Variants in GRID2 observed in about 807,000 individuals in gnomAD.
GRID2 encodes the protein glutamate receptor ionotropic, delta-2.
In GRID2, 33 loss-of-function variants were observed where a neutral mutation model predicts 114.8. That is an observed-to-expected ratio of 0.29 (90% CI 0.22 to 0.38). GRID2 has a LOEUF of 0.38. Among genes scored for constraint, GRID2 ranks in the 10% least tolerant of loss-of-function variants. The probability of loss-of-function intolerance (pLI) is 1.00; values close to 1 mark genes in which losing one functional copy is unlikely to be tolerated. For synonymous variants in GRID2, 505 were observed against 449.9 expected, an observed-to-expected ratio of 1.12 and a Z score of -1.55; for missense variants, 1,184 against 1,257.7, an observed-to-expected ratio of 0.94 and a Z score of 0.89.
chr4:93,402,853 T>C (rs1451306482), intron 9 of GRID2, among the ~76,000 whole-genome samples: 1 of 152,124 alleles, frequency 6.6e-6, no homozygotes, highest in Admixed American at 6.6e-5. Context: ...AACAAATGCC[T>C]CCAGTGATAG....
chr4:93,259,012 A>G (rs764974649), intron 8 of GRID2: 3 of 412,864 alleles, frequency 7.3e-6, no homozygotes, highest in Non-Finnish European at 1.4e-5. Flanking sequence ...CAGGAAAATG[A>G]GTCTTCACAG....
chr4:93,356,138 T>A (rs1226886095), intron 8 of GRID2, among the ~76,000 whole-genome samples: 1 of 152,092 alleles, frequency 6.6e-6, no homozygotes, highest in African/African-American at 2.4e-5. Context: ...ACTTACCTAC[T>A]TATCATCTTT....
At chr4:93,234,161 T>G (rs368521674) in intron 7 of GRID2, among the ~76,000 whole-genome samples, 23 of 152,228 alleles carry the variant, frequency 1.5e-4, no homozygotes, top group South Asian at 8.3e-4. Context: ...ATAAACTTTT[T>G]GTCATGGGGA....
At chr4:93,491,585 A>G (rs1047064782) in intron 12 of GRID2, among the ~76,000 whole-genome samples, 1 of 151,894 alleles carries the variant, frequency 6.6e-6, no homozygotes, top group Non-Finnish European at 1.5e-5. Flanking sequence ...AATTTTCCTG[A>G]AAATGTTTTA....
intron 13 of GRID2, among the ~76,000 whole-genome samples, chr4:93,545,004 C>G (rs1345712254): frequency 6.6e-6 from 1 of 151,906 alleles, no homozygotes; most frequent in Non-Finnish European, 1.5e-5. Context: ...CATTTTACAC[C>G]CCCTAAGTGA....
chr4:93,185,974 C>T (rs1411169861), intron 4 of GRID2, among the ~76,000 whole-genome samples: 2 of 152,064 alleles, frequency 1.3e-5, no homozygotes, highest in South Asian at 2.1e-4. Context: ...TGAATTCCCA[C>T]CTATGAGTGA....
chr4:92,781,531 A>C (rs1739076105), intron 2 of GRID2, among the ~76,000 whole-genome samples: 1 of 152,146 alleles, frequency 6.6e-6, no homozygotes, highest in South Asian at 2.1e-4. Flanking sequence ...TCAACACATT[A>C]TTATTAAAAT....
intron 14 of GRID2, among the ~76,000 whole-genome samples, chr4:93,758,012 A>G (rs571637973): frequency 2.0e-5 from 3 of 152,298 alleles, no homozygotes; most frequent in South Asian, 2.1e-4. Flanking sequence ...ATTTGGATTC[A>G]TGATGGAAAG....
At chr4:92,663,364 G>T (rs965816870) in intron 2 of GRID2, among the ~76,000 whole-genome samples, 2 of 151,126 alleles carry the variant, frequency 1.3e-5, no homozygotes, top group African/African-American at 4.8e-5. Flanking sequence ...ATCAAAAAAG[G>T]TTAGAGATAA....
chr4:93,146,851 T>C (rs1736313288), intron 4 of GRID2, among the ~76,000 whole-genome samples: 1 of 152,292 alleles, frequency 6.6e-6, no homozygotes, highest in South Asian at 2.1e-4. Flanking sequence ...ACTCATTTAT[T>C]TGCTCACTTA....
chr4:92,831,501 T>C (rs2149399320), intron 2 of GRID2, among the ~76,000 whole-genome samples: 1 of 152,192 alleles, frequency 6.6e-6, no homozygotes, highest in East Asian at 1.9e-4. Flanking sequence ...TCGTTTTTTT[T>C]TTTTTTCAAA....
intron 4 of GRID2, among the ~76,000 whole-genome samples, chr4:93,155,833 C>T (rs1458813023): frequency 6.6e-6 from 1 of 150,724 alleles, no homozygotes; most frequent in Non-Finnish European, 1.5e-5. Flanking sequence ...GTAGCGAGGG[C>T]ATGGGGGGTA....
chr4:93,224,279 A>C (rs979926384), intron 6 of GRID2, among the ~76,000 whole-genome samples: 1 of 152,200 alleles, frequency 6.6e-6, no homozygotes, highest in Non-Finnish European at 1.5e-5. Flanking sequence ...TTAAACCCTT[A>C]GATTCTTACC....
At chr4:92,910,094 G>C (rs1258358768) in intron 2 of GRID2, among the ~76,000 whole-genome samples, 1 of 151,914 alleles carries the variant, frequency 6.6e-6, no homozygotes, top group South Asian at 2.1e-4. Context: ...TGTTTGGTGA[G>C]AAATTTAAAG....
intron 1 of GRID2, among the ~76,000 whole-genome samples, chr4:92,347,570 C>G (rs1157735481): frequency 6.6e-6 from 1 of 151,430 alleles, no homozygotes; most frequent in Non-Finnish European, 1.5e-5. Context: ...GAATATGGAC[C>G]TTTATTTTGG....
intron 8 of GRID2, among the ~76,000 whole-genome samples, chr4:93,371,682 T>C (rs1762924997): frequency 6.6e-6 from 1 of 151,080 alleles, no homozygotes; most frequent in Non-Finnish European, 1.5e-5. Context: ...ATGAAAATAC[T>C]CCATACATCA....
intron 6 of GRID2, among the ~76,000 whole-genome samples, chr4:93,219,603 C>T (rs1223535203): frequency 1.3e-5 from 2 of 152,108 alleles, no homozygotes; most frequent in Non-Finnish European, 2.9e-5. Context: ...TTAGAAAAAA[C>T]AGAAAATGCA....
At chr4:93,805,547 C>T (rs1012336057) in intron 1 of GRID2, among the ~76,000 whole-genome samples, 29 of 152,158 alleles carry the variant, frequency 1.9e-4, no homozygotes, top group African/African-American at 6.8e-4. Flanking sequence ...ATTAGAAACA[C>T]TCAGTCTTCT....
intron 9 of GRID2, among the ~76,000 whole-genome samples, chr4:93,403,867 A>C (rs1226180009): frequency 6.6e-6 from 1 of 152,178 alleles, no homozygotes; most frequent in East Asian, 1.9e-4. Context: ...TACAAATTCC[A>C]CTGTATATAT....
Sources: allele counts gnomAD v4.1 joint callset (sites outside exome capture counted in the v4.1 genomes callset), GRCh38; gene constraint gnomAD v4.1.1; transcripts MANE v1.5; gene names NCBI Gene and HGNC (gene_info 2026-07-23, HGNC 2026-07-21).